The following PCDHA5 variants were observed in gnomAD, a reference collection of about 807,000 sequenced individuals.
The protein encoded by PCDHA5 is protocadherin alpha-5.
In PCDHA5, 43 loss-of-function variants were observed where a neutral mutation model predicts 61.6. That is an observed-to-expected ratio of 0.70 (90% CI 0.55 to 0.90). The LOEUF is 0.90. PCDHA5 is among the 40% of genes least tolerant of loss of function. PCDHA5 has a pLI of 0.00. For missense variants in PCDHA5, 1,298 were observed against 1,222.7 expected (o/e 1.06, Z -0.92); for synonymous variants, 627 against 543.9 (o/e 1.15, Z -2.13).
At position 141,011,517 on chromosome 5, in the gene PCDHA5, T is replaced by C. The variant is rs1397450262; in HGVS notation, c.*1580T>C. 2.6e-5 allele frequency: 4 copies of C among 153,768 alleles called. No individual in the cohort carries two copies. The highest frequency in any genetic ancestry group is 5.9e-5 in the Non-Finnish European group (4 of 68,028). The allele number at this position is 153,768 out of a possible 1,614,324, so 9.5% of individuals were successfully genotyped here. On this transcript the variant is annotated 3_prime_UTR_variant, in exon 4 of 4. Transcript: ENST00000529859. Reference sequence around the variant, plus strand: ...ACCTGTGAAAAAGTGGAGTAGTGTTTTTTTAACCATTGTTAATCAGCTTTT... The same window carrying C: ...ACCTGTGAAAAAGTGGAGTAGTGTTCTTTTAACCATTGTTAATCAGCTTTT...
chr5:140,928,893 T>C (rs1554206469), intron 1 of PCDHA5: 1 of 1,614,052 alleles, frequency 6.2e-7, no homozygotes, highest in African/African-American at 1.3e-5. Flanking sequence ...TTCCAGACTT[T>C]GAAGATGTCT....
rs2150389319 is a variant in PCDHA5, at chr5:140,846,377, T to C, written c.2352+22250T>C. On this transcript the variant is annotated intron_variant, in intron 1 of 3. Transcript: ENST00000529859. The stretch of plus-strand genomic sequence containing the variant: ...TTTCTTTTCTTTTCTTTCTTTCTTT[T>C]TTTTTTTTTTTTTTTGAGACGGAGT... Among the ~76,000 whole-genome samples the C allele has an allele frequency of 1.3e-3, 177 of 134,738 alleles. 13 individuals carry two copies. The highest frequency in any genetic ancestry group is 3.8e-3 in the African/African-American group (141 of 37,120). The allele number at this position is 134,738 out of a possible 152,430, so 88.4% of individuals were successfully genotyped here.
chr5:140,916,367 C>G (rs1400347792), intron 1 of PCDHA5, among the ~76,000 whole-genome samples: 1 of 152,196 alleles, frequency 6.6e-6, no homozygotes, highest in Non-Finnish European at 1.5e-5. Flanking sequence ...GAGTCTTTCA[C>G]TGTAGCCACC....
At chr5:140,893,380 C>A (rs1554185596) in intron 1 of PCDHA5, among the ~76,000 whole-genome samples, 1 of 152,130 alleles carries the variant, frequency 6.6e-6, no homozygotes, top group African/African-American at 2.4e-5. Context: ...ATTTATGGGA[C>A]AGTGGCTCAT....
chr5:140,899,123 A>T (rs1190536862), intron 1 of PCDHA5, among the ~76,000 whole-genome samples: 6 of 152,240 alleles, frequency 3.9e-5, no homozygotes, highest in Non-Finnish European at 7.3e-5. Flanking sequence ...ATATACAATC[A>T]TGTCTTCTGC....
At chr5:140,893,141 C>A (rs1412974583) in intron 1 of PCDHA5, among the ~76,000 whole-genome samples, 1 of 152,192 alleles carries the variant, frequency 6.6e-6, no homozygotes, top group African/African-American at 2.4e-5. Flanking sequence ...TTTATCCACT[C>A]ATCTGTTGAT....
chr5:140,861,377 G>T (rs2046888604), intron 1 of PCDHA5: 1 of 418,518 alleles, frequency 2.4e-6, no homozygotes, highest in South Asian at 2.0e-5. Context: ...TCCCTATTGC[G>T]CAGGACCTGG....
intron 1 of PCDHA5, among the ~76,000 whole-genome samples, chr5:140,912,343 A>ATT (rs35252606): frequency 2.1e-4 from 30 of 143,908 alleles, no homozygotes; most frequent in African/African-American, 6.1e-4. Context: ...TACACTAAGT[A>ATT]TTTTTTTTTT....
chr5:140,824,519 A>G (rs1465861980), intron 1 of PCDHA5: 1 of 220,416 alleles, frequency 4.5e-6, no homozygotes, highest in African/African-American at 2.3e-5. Flanking sequence ...TGATCTGATC[A>G]TAGCTCACCG....
intron 1 of PCDHA5, among the ~76,000 whole-genome samples, chr5:140,935,913 GACAGATTC>G (rs1178474379): frequency 8.0e-6 from 1 of 125,106 alleles, no homozygotes; most frequent in Admixed American, 8.3e-5. Context: ...TTTTTTTTGA[GACAGATTC>G]TCATTCTGTT....
At chr5:141,000,939 A>G (rs551872377) in intron 3 of PCDHA5, among the ~76,000 whole-genome samples, 2 of 152,294 alleles carry the variant, frequency 1.3e-5, no homozygotes, top group East Asian at 3.9e-4. Context: ...ATTTAGGACA[A>G]ATTATCTTGC....
rs2045073152 is a variant in PCDHA5 at position 140,857,980 on chromosome 5, G to T, written c.2352+33853G>T. ...TGGATGAGACTGACTCGCCACGCCA[G>T]CGCCTACTGGTGCTGGTGAAGGACC... On this transcript the variant is annotated intron_variant, in intron 1 of 3. Coordinates refer to ENST00000529859, the MANE Select transcript of PCDHA5 (RefSeq NM_018908.3). The T allele has an allele frequency of 1.3e-6, 2 of 1,597,100 alleles. 1 individual carries two copies. Among genetic ancestry groups the T allele is most frequent in the Non-Finnish European group, 1.7e-6 (2 of 1,167,294 alleles).
At chr5:140,829,824 G>T in intron 1 of PCDHA5, 2 of 1,613,914 alleles carry the variant, frequency 1.2e-6, no homozygotes, top group Non-Finnish European at 1.7e-6. Flanking sequence ...GGTGCAGTGA[G>T]CGAGCTGGTG....
intron 3 of PCDHA5, among the ~76,000 whole-genome samples, chr5:141,000,387 CTCTCTCTCTATA>C (rs1217065500): frequency 3.9e-4 from 26 of 66,870 alleles, no homozygotes; most frequent in African/African-American, 1.1e-3. Context: ...CTCTCTCTCT[CTCTCTCTCTATA>C]TATATATATA....
At position 140,856,335 on chromosome 5, in the gene PCDHA5, G is replaced by C; in HGVS notation, c.2352+32208G>C. ...CGGATTGACCGCGAGGAGCTGTGCG[G>C]GCGGAGCGTGGAGTGCAGCATCCAC... On this transcript the variant is annotated intron_variant, in intron 1 of 3. Transcript: ENST00000529859. 3 of 1,598,610 alleles carry C rather than the reference G, an allele frequency of 1.9e-6. 1 individual carries two copies. The highest frequency in any genetic ancestry group is 2.6e-6 in the Non-Finnish European group (3 of 1,168,024).
chr5:140,899,253 A>T (rs1340284203), intron 1 of PCDHA5, among the ~76,000 whole-genome samples: 1 of 152,284 alleles, frequency 6.6e-6, no homozygotes, highest in East Asian at 1.9e-4. Context: ...GAGAGAGGGC[A>T]TCCCTGTCTT....
chr5:140,918,115 A>T (rs185486488), intron 1 of PCDHA5, among the ~76,000 whole-genome samples: 1 of 152,080 alleles, frequency 6.6e-6, no homozygotes, highest in East Asian at 1.9e-4. Context: ...CACATCCTTG[A>T]TTAGCCATAT....
intron 1 of PCDHA5, chr5:140,858,650 T>A (rs1581517795): frequency 6.1e-6 from 5 of 822,646 alleles, no homozygotes; most frequent in Admixed American, 3.2e-5. Context: ...GGTACTTAAA[T>A]TTTTTTAAAT....
At chr5:140,850,410 G>T (rs369126896) in intron 1 of PCDHA5, 1 of 1,597,934 alleles carries the variant, frequency 6.3e-7, no homozygotes, top group Middle Eastern at 1.7e-4. Flanking sequence ...TGCCCTGGAC[G>T]AAACGGACGC....
Sources: gnomAD v4.1 joint callset for allele counts (sites outside exome capture counted in the v4.1 genomes callset) on GRCh38, gnomAD v4.1.1 for gene constraint, MANE v1.5 for transcripts, NCBI Gene and HGNC (gene_info 2026-07-23, HGNC 2026-07-21) for gene names.